Variants in ARIH1 observed in about 807,000 individuals in gnomAD.
ARIH1 encodes ariadne RBR E3 ubiquitin protein ligase 1.
ARIH1 carries 8 observed loss-of-function variants against 85.0 expected under a neutral mutation model. That is an observed-to-expected ratio of 0.09 (90% CI 0.06 to 0.17). The LOEUF (loss-of-function observed/expected upper bound fraction) is 0.17, where lower values mean the gene tolerates loss of function less well. Ranked by LOEUF, ARIH1 falls within the 10% of genes least tolerant of loss-of-function variation. The pLI is 1.00. For synonymous variants in ARIH1, 238 were observed against 253.6 expected (o/e 0.94, Z 0.59); for missense variants, 311 against 718.1 (o/e 0.43, Z 6.48).
intron 1 of ARIH1, among the ~76,000 whole-genome samples, chr15:72,498,805 A>G (rs958331085): frequency 7.2e-5 from 11 of 151,848 alleles, no homozygotes; most frequent in African/African-American, 2.4e-4. Context: ...GTGCCACTGC[A>G]TTCCAGCCTG....
rs1234196174 is a variant in ARIH1, at chr15:72,596,736, C to A, written c.*13444C>A. On this transcript the variant is annotated 3_prime_UTR_variant, in exon 14 of 14. Transcript: ENST00000379887. ...ACCTGTTAAACTTGTTTATTGAATT[C>A]TCCATTTAAAAATTTTTATTTTTAG... 1.3e-5 allele frequency: 2 copies of A among 152,026 alleles called. No individual in the cohort carries two copies. The highest frequency in any genetic ancestry group is 4.8e-5 in the African/African-American group (2 of 41,394). 9.4% of individuals were successfully genotyped at this position (152,026 alleles called of 1,614,324 possible).
chr15:72,481,745 A>G (rs995568000), intron 1 of ARIH1, among the ~76,000 whole-genome samples: 5 of 152,164 alleles, frequency 3.3e-5, no homozygotes, highest in Non-Finnish European at 5.9e-5. Flanking sequence ...TAGGCTAATC[A>G]TAGGGTTGGA....
chr15:72,486,565 G>C (rs1175433104), intron 1 of ARIH1, among the ~76,000 whole-genome samples: 1 of 151,492 alleles, frequency 6.6e-6, no homozygotes, highest in African/African-American at 2.4e-5. Flanking sequence ...TGCCCAGTTA[G>C]TGTTTAAGTG....
At chr15:72,554,157 C>T (rs1379004474) in intron 3 of ARIH1, among the ~76,000 whole-genome samples, 6 of 152,072 alleles carry the variant, frequency 3.9e-5, no homozygotes, top group Admixed American at 1.3e-4. Flanking sequence ...TTGGCTGTTA[C>T]GAATAATGCT....
chr15:72,566,656 T>A, intron 8 of ARIH1, 51 bp downstream of exon 8: 1 of 1,474,610 alleles, frequency 6.8e-7, no homozygotes, highest in South Asian at 1.2e-5. Context: ...CTTCTAAGAC[T>A]TAGTGACTAA....
intron 1 of ARIH1, among the ~76,000 whole-genome samples, chr15:72,484,414 C>A (rs1281643388): frequency 6.6e-6 from 1 of 151,552 alleles, no homozygotes; most frequent in African/African-American, 2.4e-5. Context: ...ATCTCTCACC[C>A]CCTTCTCACC....
chr15:72,559,460 C>T (rs1366152168), intron 5 of ARIH1, among the ~76,000 whole-genome samples: 2 of 151,866 alleles, frequency 1.3e-5, no homozygotes, highest in Non-Finnish European at 1.5e-5. Context: ...TTAGTAGAGA[C>T]GAGGTTTCAC....
intron 1 of ARIH1, among the ~76,000 whole-genome samples, chr15:72,517,275 TA>T (rs1257023603): frequency 5.3e-5 from 8 of 152,184 alleles, no homozygotes; most frequent in Middle Eastern, 3.2e-3. Context: ...GGTATTAAAT[TA>T]TTTTTTTAAA....
At chr15:72,494,488 T>A (rs2063871875) in intron 1 of ARIH1, among the ~76,000 whole-genome samples, 1 of 152,068 alleles carries the variant, frequency 6.6e-6, no homozygotes, top group Non-Finnish European at 1.5e-5. Flanking sequence ...AATAAGGAAT[T>A]GAATATTGCT....
intron 1 of ARIH1, chr15:72,475,282 G>A (rs2063790101): frequency 1.7e-6 from 1 of 593,090 alleles, no homozygotes; most frequent in Non-Finnish European, 2.5e-6. Flanking sequence ...CTTCTCTTGC[G>A]GGCAATTTCT....
rs201722706 is a variant in ARIH1 at position 72,550,679 on chromosome 15, TATA to T, written c.589-4591_589-4589del. Among the ~76,000 whole-genome samples, 669 of 152,274 alleles carry T rather than the reference TATA, an allele frequency of 4.4e-3. 7 individuals are homozygous for T. Among genetic ancestry groups the T allele is most frequent in the African/African-American group, 0.015 (644 of 41,554 alleles). ...AGGACTGATACACTTCATATATATA[TATA>T]TTTTAATGAGATGAAGTCTCACTCT... is the stretch of plus-strand genomic sequence containing the variant. On this transcript the variant is annotated intron_variant, in intron 3 of 13. Transcript: ENST00000379887.
At chr15:72,512,981 A>G (rs1042844106) in intron 1 of ARIH1, among the ~76,000 whole-genome samples, 2 of 152,176 alleles carry the variant, frequency 1.3e-5, no homozygotes, top group Non-Finnish European at 1.5e-5. Context: ...TGTAGCCTTC[A>G]TGTGATTAGT....
At chr15:72,502,763 G>A (rs1014854410) in intron 1 of ARIH1, among the ~76,000 whole-genome samples, 3 of 152,062 alleles carry the variant, frequency 2.0e-5, no homozygotes, top group Non-Finnish European at 2.9e-5. Context: ...CCAAGATCTC[G>A]CCACTGTACT....
At chr15:72,488,465 A>G (rs1294066155) in intron 1 of ARIH1, among the ~76,000 whole-genome samples, 1 of 151,970 alleles carries the variant, frequency 6.6e-6, no homozygotes, top group Non-Finnish European at 1.5e-5. Context: ...GTTCTTCTCT[A>G]CCTTTCCTGT....
chr15:72,548,233 A>G lies in ARIH1; in HGVS notation c.588+3269A>G, dbSNP rs554808435. Among the ~76,000 whole-genome samples, 4 of 152,256 alleles carry G rather than the reference A, an allele frequency of 2.6e-5. No homozygotes were observed. The South Asian group carries it at 8.3e-4, about 32-fold the overall frequency. Reference sequence around the variant, plus strand: ...CCCAGTTTTTGATCAGGCAGGACTTACCACAGAAATCTGAACTAACATCTG... The same window carrying G: ...CCCAGTTTTTGATCAGGCAGGACTTGCCACAGAAATCTGAACTAACATCTG... On this transcript the variant is annotated intron_variant, in intron 3 of 13. Coordinates refer to ENST00000379887, the MANE Select transcript of ARIH1 (RefSeq NM_005744.5).
rs902036291 is a variant in ARIH1, at chr15:72,583,423, T to G, written c.*131T>G. 4.2e-5 allele frequency: 26 copies of G among 615,160 alleles called. No individual in the cohort carries two copies. The highest frequency in any genetic ancestry group is 6.4e-5 in the Non-Finnish European group (23 of 358,440). 38.1% of individuals were successfully genotyped at this position (615,160 alleles called of 1,614,324 possible). On this transcript the variant is annotated 3_prime_UTR_variant, in exon 14 of 14. Transcript: ENST00000379887. The stretch of plus-strand genomic sequence containing the variant: ...CCACTGGTCTGTAGTACCAGAATTG[T>G]TTTGTTAATGGAAAGTTTAAGTAAA...
At position 72,555,279 on chromosome 15, in the gene ARIH1, T is replaced by C; in HGVS notation, c.597T>C (p.Thr199=). 2 of 1,612,192 alleles carry C rather than the reference T, an allele frequency of 1.2e-6. No individual in the cohort carries two copies. Among genetic ancestry groups the C allele is most frequent in the Non-Finnish European group, 8.5e-7 (1 of 1,178,420 alleles). The change falls in exon 4 of 14, where the codon ACT becomes ACC. Residue 199 remains threonine (T), a synonymous_variant. Coordinates refer to ENST00000379887, the MANE Select transcript of ARIH1 (RefSeq NM_005744.5). The stretch of plus-strand genomic sequence containing the variant: ...TTTTGTTTTTCTTACAGTATTTCAC[T>C]GGCCTTGAATGTGGACATAAGTTTT... The part of the protein sequence containing the change: ...CYLNYPNSYF[T]GLECGHKFCM...
intron 13 of ARIH1, 78 bp from the exon 14 acceptor site, chr15:72,583,130 C>T (rs1388576613): frequency 9.2e-6 from 11 of 1,192,844 alleles, no homozygotes; most frequent in Non-Finnish European, 1.2e-5. Context: ...ATAGGGATGC[C>T]TTAAAAATAA....
intron 10 of ARIH1, 113 bp downstream of exon 10, chr15:72,570,420 C>T (rs1361625058): frequency 3.9e-6 from 5 of 1,293,152 alleles, no homozygotes; most frequent in East Asian, 4.9e-5. Flanking sequence ...TAAATAAATA[C>T]ATAGTGTGTG....
Sources: allele counts gnomAD v4.1 joint callset (sites outside exome capture counted in the v4.1 genomes callset), GRCh38; gene constraint gnomAD v4.1.1; transcripts MANE v1.5; gene names NCBI Gene and HGNC (gene_info 2026-07-23, HGNC 2026-07-21).